The following ATE1 variants were observed in gnomAD, a reference collection of about 807,000 sequenced individuals.
ATE1 encodes the protein arginyl-tRNA--protein transferase 1.
In ATE1, 36 loss-of-function variants were observed where a neutral mutation model predicts 70.5. The ratio of observed to expected loss-of-function variants is 0.51; its 90% CI spans 0.39 to 0.67. ATE1 has a LOEUF of 0.67. Among genes scored for constraint, ATE1 ranks in the 30% least tolerant of loss-of-function variants. ATE1 has a pLI of 0.00. For synonymous variants in ATE1, 232 were observed against 219.3 expected (o/e 1.06, Z -0.51); for missense variants, 593 against 629.5 (o/e 0.94, Z 0.62).
At chr10:121,917,950 C>A (rs1951725505) in intron 3 of ATE1, among the ~76,000 whole-genome samples, 1 of 152,172 alleles carries the variant, frequency 6.6e-6, no homozygotes. Context: ...TAGCTATAAG[C>A]CCCTTTCCTT....
At chr10:121,764,247 TAAC>T (rs1685916545) in intron 11 of ATE1, among the ~76,000 whole-genome samples, 1 of 151,864 alleles carries the variant, frequency 6.6e-6, no homozygotes, top group Non-Finnish European at 1.5e-5. Context: ...GTAAGCCATT[TAAC>T]AACAGGGGAA....
chr10:121,869,078 C>T (rs559169197), intron 8 of ATE1, among the ~76,000 whole-genome samples: 3 of 152,318 alleles, frequency 2.0e-5, no homozygotes, highest in East Asian at 3.9e-4. Context: ...AGTCTCATCA[C>T]GTGGAGCTGA....
chr10:121,810,925 A>G (rs966019220), intron 10 of ATE1, among the ~76,000 whole-genome samples: 1 of 151,660 alleles, frequency 6.6e-6, no homozygotes, highest in Non-Finnish European at 1.5e-5. Context: ...CTGGTCTCGA[A>G]CTCCTGACCT....
At chr10:121,769,507 A>G (rs377192835) in intron 11 of ATE1, among the ~76,000 whole-genome samples, 7 of 152,222 alleles carry the variant, frequency 4.6e-5, no homozygotes, top group African/African-American at 1.2e-4. Flanking sequence ...GTTCTTAGAC[A>G]TAACACCAAA....
intron 10 of ATE1, among the ~76,000 whole-genome samples, chr10:121,802,101 G>C (rs964969035): frequency 1.3e-5 from 2 of 152,140 alleles, no homozygotes; most frequent in Non-Finnish European, 2.9e-5. Context: ...TCACAAGTGT[G>C]TGCCCTTAGT....
intron 10 of ATE1, among the ~76,000 whole-genome samples, chr10:121,823,203 T>A (rs1348413742): frequency 1.3e-5 from 2 of 151,822 alleles, no homozygotes; most frequent in African/African-American, 2.4e-5. Flanking sequence ...GGCAGGAGAA[T>A]GACATGAACC....
chr10:121,786,981 G>A (rs750547562), intron 11 of ATE1, among the ~76,000 whole-genome samples: 1 of 152,162 alleles, frequency 6.6e-6, no homozygotes, highest in South Asian at 2.1e-4. Context: ...GTAGGCAGAA[G>A]TCCTGCATTG....
chr10:121,896,591 C>A (rs1163089928), intron 7 of ATE1, among the ~76,000 whole-genome samples: 1 of 151,776 alleles, frequency 6.6e-6, no homozygotes, highest in Non-Finnish European at 1.5e-5. Flanking sequence ...GGTGGATCAC[C>A]TGAAGTCAGG....
intron 5 of ATE1, among the ~76,000 whole-genome samples, chr10:121,904,775 A>G (rs939447860): frequency 1.3e-5 from 2 of 152,136 alleles, no homozygotes; most frequent in African/African-American, 4.8e-5. Context: ...TAGAGTGGTT[A>G]AAGGGCTTGC....
At chr10:121,745,437 C>T (rs191701434) in intron 11 of ATE1, among the ~76,000 whole-genome samples, 17 of 152,236 alleles carry the variant, frequency 1.1e-4, no homozygotes, top group Admixed American at 6.5e-4. Context: ...GAACCACAGG[C>T]GGGGTGCAGT....
intron 10 of ATE1, among the ~76,000 whole-genome samples, chr10:121,833,737 G>T (rs1471525819): frequency 1.3e-5 from 2 of 152,146 alleles, no homozygotes; most frequent in East Asian, 3.9e-4. Context: ...CTAGGCCACA[G>T]ATGACAGGGC....
intron 2 of ATE1, among the ~76,000 whole-genome samples, chr10:121,923,443 C>T (rs983750405): frequency 3.3e-5 from 5 of 151,628 alleles, no homozygotes; most frequent in Non-Finnish European, 5.9e-5. Flanking sequence ...CTAGCCTGGG[C>T]AAGAGAGCGA....
intron 11 of ATE1, among the ~76,000 whole-genome samples, chr10:121,785,641 T>C (rs959390337): frequency 2.0e-5 from 3 of 152,120 alleles, no homozygotes; most frequent in Non-Finnish European, 4.4e-5. Flanking sequence ...AAACACAATA[T>C]AGATTAGAAC....
chr10:121,835,297 G>C (rs1042690215), intron 10 of ATE1, among the ~76,000 whole-genome samples: 1 of 152,076 alleles, frequency 6.6e-6, no homozygotes, highest in Non-Finnish European at 1.5e-5. Context: ...TGTAAAACCA[G>C]CAAGGCACTG....
At chr10:121,920,756 A>T (rs537626052) in intron 3 of ATE1, among the ~76,000 whole-genome samples, 8 of 152,214 alleles carry the variant, frequency 5.3e-5, no homozygotes, top group African/African-American at 1.7e-4. Context: ...GCACTTTGGG[A>T]GGCTGAGGCA....
intron 11 of ATE1, among the ~76,000 whole-genome samples, chr10:121,788,670 A>C (rs1946310234): frequency 6.6e-6 from 1 of 151,988 alleles, no homozygotes; most frequent in Non-Finnish European, 1.5e-5. Flanking sequence ...CTTTCCATTG[A>C]TCTTTCCTTC....
At chr10:121,745,192 TAG>T (rs1162156130) in intron 11 of ATE1, among the ~76,000 whole-genome samples, 9 of 152,312 alleles carry the variant, frequency 5.9e-5, no homozygotes, top group Non-Finnish European at 1.0e-4. Flanking sequence ...CTAAAGAATA[TAG>T]AGAATAATGT....
At chr10:121,910,821 T>C in intron 5 of ATE1, 85 bp downstream of exon 5, 1 of 1,572,668 alleles carries the variant, frequency 6.4e-7, no homozygotes, top group Non-Finnish European at 8.7e-7. Flanking sequence ...GTCATCCTTT[T>C]GGCTGATGGA....
chr10:121,823,785 C>A (rs1250980227), intron 10 of ATE1, among the ~76,000 whole-genome samples: 1 of 152,148 alleles, frequency 6.6e-6, no homozygotes, highest in Admixed American at 6.5e-5. Flanking sequence ...ACTTGAATTC[C>A]CCTTAAAACT....
Sources: gnomAD v4.1 joint callset for allele counts (sites outside exome capture counted in the v4.1 genomes callset) on GRCh38, gnomAD v4.1.1 for gene constraint, MANE v1.5 for transcripts, NCBI Gene and HGNC (gene_info 2026-07-23, HGNC 2026-07-21) for gene names.